The following TMED3 variants were observed in gnomAD, a reference collection of about 807,000 sequenced individuals.
The protein encoded by TMED3 is transmembrane emp24 domain-containing protein 3.
TMED3 carries 9 observed loss-of-function variants against 15.0 expected under a neutral mutation model. The observed-to-expected ratio is 0.60, with a 90% CI of 0.36 to 1.04. TMED3 has a LOEUF of 1.04. Ranked by LOEUF, TMED3 falls within the 50% of genes least tolerant of loss-of-function variation. The probability of loss-of-function intolerance (pLI) is 0.01; values close to 1 mark genes in which losing one functional copy is unlikely to be tolerated. For missense variants in TMED3, 267 were observed against 278.9 expected (o/e 0.96, Z 0.30); for synonymous variants, 117 against 121.4 (o/e 0.96, Z 0.24).
intron 2 of TMED3, among the ~76,000 whole-genome samples, chr15:79,320,457 C>T (rs570275943): frequency 5.7e-4 from 87 of 152,228 alleles, no homozygotes; most frequent in African/African-American, 1.8e-3. Context: ...CTCGTGCCCT[C>T]GGTCTCTTGC....
At chr15:79,347,559 G>T (rs1407030143) in intron 2 of TMED3, among the ~76,000 whole-genome samples, 1 of 152,132 alleles carries the variant, frequency 6.6e-6, no homozygotes, top group Non-Finnish European at 1.5e-5. Context: ...AAGAAATAAA[G>T]TGCATCCAAA....
chr15:79,315,703 T>C (rs1331354321), intron 2 of TMED3, among the ~76,000 whole-genome samples: 2 of 152,256 alleles, frequency 1.3e-5, no homozygotes, highest in Admixed American at 1.3e-4. Flanking sequence ...TCTTTGCTCC[T>C]GCTTAGCCTC....
intron 2 of TMED3, among the ~76,000 whole-genome samples, chr15:79,331,352 C>T (rs1288795324): frequency 1.3e-5 from 2 of 151,976 alleles, no homozygotes; most frequent in African/African-American, 4.8e-5. Flanking sequence ...ACTGAAAATC[C>T]ACATGCAGAA....
chr15:79,364,274 T>TC (rs1893186554), intron 2 of TMED3, among the ~76,000 whole-genome samples: 2 of 152,134 alleles, frequency 1.3e-5, no homozygotes, highest in African/African-American at 2.4e-5. Flanking sequence ...GGGCTCTTAG[T>TC]CCCCTGCGGG....
chr15:79,410,315 AT>A (rs1246618770), intron 2 of TMED3, among the ~76,000 whole-genome samples: 1 of 152,224 alleles, frequency 6.6e-6, no homozygotes, highest in Middle Eastern at 3.2e-3. Flanking sequence ...CAGGATATTA[AT>A]AATTGTGAAA....
At chr15:79,380,784 CACTT>C (rs1379031690) in intron 2 of TMED3, among the ~76,000 whole-genome samples, 1 of 152,048 alleles carries the variant, frequency 6.6e-6, no homozygotes, top group Non-Finnish European at 1.5e-5. Flanking sequence ...TCCGATGTCT[CACTT>C]AGCCTCACAG....
chr15:79,344,218 G>T (rs72740325), intron 2 of TMED3, among the ~76,000 whole-genome samples: 23,511 of 152,212 alleles, frequency 0.15, 1,772 homozygotes, highest in Middle Eastern at 0.2. Flanking sequence ...GGCACCAGAA[G>T]ATGCCTTTTC....
intron 2 of TMED3, among the ~76,000 whole-genome samples, chr15:79,364,631 G>A (rs1035176595): frequency 2.0e-5 from 3 of 151,782 alleles, no homozygotes; most frequent in Non-Finnish European, 4.4e-5. Context: ...AAGCAGATGA[G>A]GAGATGAAAC....
chr15:79,334,097 A>G (rs1475981503), intron 2 of TMED3, among the ~76,000 whole-genome samples: 1 of 152,176 alleles, frequency 6.6e-6, no homozygotes, highest in Non-Finnish European at 1.5e-5. Context: ...GTTCTAAACT[A>G]ATTATCTTGG....
At chr15:79,404,116 T>G (rs1370796796) in intron 2 of TMED3, among the ~76,000 whole-genome samples, 1 of 152,224 alleles carries the variant, frequency 6.6e-6, no homozygotes, top group Non-Finnish European at 1.5e-5. Flanking sequence ...GAATCAATAT[T>G]GTTCAAGATT....
chr15:79,365,133 TGA>T (rs1436266440), intron 2 of TMED3, among the ~76,000 whole-genome samples: 1 of 152,246 alleles, frequency 6.6e-6, no homozygotes, highest in African/African-American at 2.4e-5. Context: ...CTGAATGTCC[TGA>T]GAGGGGGATC....
At chr15:79,336,447 C>G (rs1254228376) in intron 2 of TMED3, among the ~76,000 whole-genome samples, 10 of 152,174 alleles carry the variant, frequency 6.6e-5, no homozygotes, top group Non-Finnish European at 1.5e-5. Flanking sequence ...CATTTGAGGT[C>G]AGCAGTTCGA....
At chr15:79,327,705 G>C (rs758878501), downstream of TMED3, among the ~76,000 whole-genome samples, 14 of 152,232 alleles carry the variant, frequency 9.2e-5, no homozygotes, top group Non-Finnish European at 2.1e-4. Flanking sequence ...GGGAGAGTCT[G>C]ACCATCTAGA....
chr15:79,389,549 G>A (rs934514764), intron 2 of TMED3, among the ~76,000 whole-genome samples: 2 of 151,988 alleles, frequency 1.3e-5, no homozygotes, highest in African/African-American at 4.8e-5. Flanking sequence ...TTTTCTTTTT[G>A]CTAAGTCTTG....
chr15:79,324,854 A>G (rs145484301), downstream of TMED3, among the ~76,000 whole-genome samples: 933 of 152,348 alleles, frequency 6.1e-3, 6 homozygotes, highest in Non-Finnish European at 9.9e-3. Context: ...ATTTGAATCC[A>G]GGTCTGCTAT....
intron 2 of TMED3, among the ~76,000 whole-genome samples, chr15:79,405,821 G>T (rs1422186619): frequency 1.3e-5 from 2 of 152,350 alleles, no homozygotes; most frequent in African/African-American, 4.8e-5. Context: ...TACTAAGACA[G>T]AGAGCAAAAG....
intron 2 of TMED3, among the ~76,000 whole-genome samples, chr15:79,409,991 T>C (rs1340456171): frequency 6.6e-6 from 1 of 152,108 alleles, no homozygotes; most frequent in African/African-American, 2.4e-5. Flanking sequence ...TTGTGCTGAG[T>C]TTAGATAAGA....
intron 2 of TMED3, among the ~76,000 whole-genome samples, chr15:79,377,297 T>TGTGA (rs1491369749): frequency 8.5e-4 from 85 of 99,452 alleles, no homozygotes; most frequent in Admixed American, 5.6e-3. Context: ...TGTGTGTGTG[T>TGTGA]GAGAGAGAGA....
chr15:79,400,301 G>A (rs575259840), intron 2 of TMED3, among the ~76,000 whole-genome samples: 1 of 152,006 alleles, frequency 6.6e-6, no homozygotes, highest in African/African-American at 2.4e-5. Context: ...CTTTGTCATA[G>A]CACCTGTTTA....
Sources: allele counts gnomAD v4.1 joint callset (sites outside exome capture counted in the v4.1 genomes callset), GRCh38; gene constraint gnomAD v4.1.1; transcripts MANE v1.5; gene names NCBI Gene and HGNC (gene_info 2026-07-23, HGNC 2026-07-21).